The following NOX4 variants were observed in gnomAD, a reference collection of about 807,000 sequenced individuals.
The protein encoded by NOX4 is kidney oxidase-1.
In NOX4, 69 loss-of-function variants were observed where a neutral mutation model predicts 87.6. The ratio of observed to expected loss-of-function variants is 0.79; its 90% CI spans 0.65 to 0.96. The LOEUF (loss-of-function observed/expected upper bound fraction) is 0.96. Among genes scored for constraint, NOX4 ranks in the 40% least tolerant of loss-of-function variants. The probability of loss-of-function intolerance (pLI) is 0.00; values close to 1 mark genes in which losing one functional copy is unlikely to be tolerated. For missense variants in NOX4, 680 were observed against 681.5 expected, an observed-to-expected ratio of 1.00 and a Z score of 0.02; for synonymous variants, 275 against 238.2, an observed-to-expected ratio of 1.15 and a Z score of -1.42.
At chr11:89,443,797 G>C (rs186909160) in intron 5 of NOX4, 122 of 183,414 alleles carry the variant, frequency 6.7e-4, no homozygotes, top group African/African-American at 2.7e-3. Flanking sequence ...GAATTATAAA[G>C]TATTTTTACC....
At chr11:89,371,886 G>A (rs1939471690) in intron 12 of NOX4, among the ~76,000 whole-genome samples, 1 of 151,712 alleles carries the variant, frequency 6.6e-6, no homozygotes, top group African/African-American at 2.4e-5. Context: ...TCACTTAGAT[G>A]TTTGCCCATT....
At chr11:89,548,736 T>G in the NOX4 span, 3 of 152,216 alleles carry the variant, frequency 2.0e-5, no homozygotes, top group African/African-American at 7.2e-5. Context: ...TATTTGAATA[T>G]CTTAAGAACC....
the NOX4 span, among the ~76,000 whole-genome samples, chr11:89,564,897 T>C: frequency 3.3e-5 from 5 of 152,294 alleles, no homozygotes; most frequent in Admixed American, 2.6e-4. Context: ...ATTTCTGTTC[T>C]GGAACTTGGA....
intron 8 of NOX4, among the ~76,000 whole-genome samples, chr11:89,407,285 GA>G (rs1419977311): frequency 1.3e-5 from 2 of 149,762 alleles, no homozygotes; most frequent in African/African-American, 5.1e-5. Context: ...CAAAAAACAA[GA>G]AGGGAAAAAG....
chr11:89,379,091 G>A (rs1281988014), intron 11 of NOX4, among the ~76,000 whole-genome samples: 2 of 152,032 alleles, frequency 1.3e-5, no homozygotes, highest in African/African-American at 4.8e-5. Context: ...TAGGCAAACA[G>A]AATACTAAAA....
the NOX4 span, among the ~76,000 whole-genome samples, chr11:89,531,735 A>T: frequency 6.6e-6 from 1 of 152,212 alleles, no homozygotes; most frequent in African/African-American, 2.4e-5. Flanking sequence ...CTGCAAAAAC[A>T]TCTCCAAAGC....
chr11:89,524,226 T>G, the NOX4 span, among the ~76,000 whole-genome samples: 1 of 152,208 alleles, frequency 6.6e-6, no homozygotes, highest in Non-Finnish European at 1.5e-5. Flanking sequence ...TATAGAGCAC[T>G]GTTTAATGCC....
chr11:89,458,477 T>C (rs1363122644), intron 2 of NOX4, among the ~76,000 whole-genome samples: 1 of 152,118 alleles, frequency 6.6e-6, no homozygotes, highest in Admixed American at 6.5e-5. Flanking sequence ...CTAATTAAAC[T>C]AAGTAGCTTC....
chr11:89,508,809 G>A, the NOX4 span, among the ~76,000 whole-genome samples: 1 of 152,038 alleles, frequency 6.6e-6, no homozygotes, highest in Non-Finnish European at 1.5e-5. Context: ...GAAAAACTGA[G>A]GATCTGAAAG....
At chr11:89,560,035 T>A in the NOX4 span, among the ~76,000 whole-genome samples, 2 of 152,104 alleles carry the variant, frequency 1.3e-5, no homozygotes, top group Non-Finnish European at 2.9e-5. Flanking sequence ...TTTGCAGGTA[T>A]AATCGAGTTA....
the NOX4 span, among the ~76,000 whole-genome samples, chr11:89,584,192 A>G: frequency 1.3e-5 from 2 of 152,120 alleles, no homozygotes; most frequent in Non-Finnish European, 2.9e-5. Context: ...TTACTTTGCA[A>G]TAAGAGAATT....
At chr11:89,585,199 G>T in the NOX4 span, among the ~76,000 whole-genome samples, 1 of 152,078 alleles carries the variant, frequency 6.6e-6, no homozygotes, top group Non-Finnish European at 1.5e-5. Flanking sequence ...CTGCCCCAAA[G>T]ATAAGCTTTT....
intron 4 of NOX4, among the ~76,000 whole-genome samples, chr11:89,446,371 C>A (rs1944707474): frequency 6.6e-6 from 1 of 151,952 alleles, no homozygotes; most frequent in South Asian, 2.1e-4. Context: ...GATATTTACC[C>A]AAAGGAACTA....
the NOX4 span, among the ~76,000 whole-genome samples, chr11:89,556,395 T>C: frequency 6.6e-6 from 1 of 152,038 alleles, no homozygotes; most frequent in Non-Finnish European, 1.5e-5. Flanking sequence ...TGGTGGCATG[T>C]GCCTGTAATC....
intron 7 of NOX4, among the ~76,000 whole-genome samples, chr11:89,425,543 C>T (rs538807446): frequency 1.7e-4 from 25 of 151,024 alleles, no homozygotes; most frequent in African/African-American, 3.9e-4. Flanking sequence ...TATTTATTAA[C>T]GTAAAAATGT....
At chr11:89,584,968 T>C in the NOX4 span, among the ~76,000 whole-genome samples, 1 of 151,932 alleles carries the variant, frequency 6.6e-6, no homozygotes, top group East Asian at 1.9e-4. Context: ...AGCCTAGGGG[T>C]GTTAAGTTGT....
At chr11:89,431,651 A>T (rs1316513331) in intron 7 of NOX4, among the ~76,000 whole-genome samples, 1 of 152,202 alleles carries the variant, frequency 6.6e-6, no homozygotes, top group African/African-American at 2.4e-5. Context: ...CCACAATGAG[A>T]TACCATTTCA....
chr11:89,457,683 A>G (rs1229791329), intron 2 of NOX4, among the ~76,000 whole-genome samples: 1 of 152,202 alleles, frequency 6.6e-6, no homozygotes, highest in Non-Finnish European at 1.5e-5. Context: ...TTCCAAAGGC[A>G]TCAAAGAAAA....
the NOX4 span, among the ~76,000 whole-genome samples, chr11:89,585,480 A>G: frequency 2.0e-5 from 3 of 152,182 alleles, no homozygotes; most frequent in Non-Finnish European, 4.4e-5. Flanking sequence ...TCCCTATAAA[A>G]GGCCACATAG....
Sources: gnomAD v4.1 joint callset for allele counts (sites outside exome capture counted in the v4.1 genomes callset) on GRCh38, gnomAD v4.1.1 for gene constraint, MANE v1.5 for transcripts, NCBI Gene and HGNC (gene_info 2026-07-23, HGNC 2026-07-21) for gene names.